Variants in GRHL2 observed in about 807,000 individuals in gnomAD.
GRHL2 encodes the protein grainyhead like transcription factor 2, also known as grainyhead-like protein 2 homolog.
Under a neutral mutation model 83.8 loss-of-function variants are expected in GRHL2, and 21 were observed. The ratio of observed to expected loss-of-function variants is 0.25; its 90% CI spans 0.18 to 0.36. The LOEUF (loss-of-function observed/expected upper bound fraction) is 0.36, where lower values mean the gene tolerates loss of function less well. Among genes scored for constraint, GRHL2 ranks in the 10% least tolerant of loss-of-function variants. GRHL2 has a pLI of 1.00. For synonymous variants in GRHL2, 280 were observed against 278.9 expected, an observed-to-expected ratio of 1.00 and a Z score of -0.04; for missense variants, 623 against 781.8, an observed-to-expected ratio of 0.80 and a Z score of 2.42.
At chr8:101,516,120 C>T (rs1011662078) in intron 1 of GRHL2, among the ~76,000 whole-genome samples, 1 of 152,140 alleles carries the variant, frequency 6.6e-6, no homozygotes, top group Non-Finnish European at 1.5e-5. Flanking sequence ...TTTTGATCTC[C>T]TGCTTCTCAG....
At chr8:101,551,490 A>G (rs549111194) in intron 2 of GRHL2, among the ~76,000 whole-genome samples, 1 of 152,214 alleles carries the variant, frequency 6.6e-6, no homozygotes, top group Non-Finnish European at 1.5e-5. Flanking sequence ...GTAAGTGGAA[A>G]TCACAGGAAT....
intron 7 of GRHL2, among the ~76,000 whole-genome samples, chr8:101,586,832 T>A (rs1355570572): frequency 6.6e-6 from 1 of 152,208 alleles, no homozygotes; most frequent in East Asian, 1.9e-4. Flanking sequence ...TGGACTCTCC[T>A]CTTTCATGCT....
chr8:101,560,629 C>T (rs574914673), intron 4 of GRHL2, among the ~76,000 whole-genome samples: 16 of 152,264 alleles, frequency 1.1e-4, no homozygotes, highest in South Asian at 4.2e-4. Context: ...CTACCAGCAA[C>T]GTATGAGGAT....
At chr8:101,534,801 A>G (rs925535655) in intron 1 of GRHL2, among the ~76,000 whole-genome samples, 2 of 152,206 alleles carry the variant, frequency 1.3e-5, no homozygotes, top group Admixed American at 6.5e-5. Context: ...AAGTATTGCA[A>G]CTAGAAGGGT....
At chr8:101,638,102 C>G (rs1348290465) in intron 12 of GRHL2, among the ~76,000 whole-genome samples, 1 of 152,170 alleles carries the variant, frequency 6.6e-6, no homozygotes, top group Non-Finnish European at 1.5e-5. Flanking sequence ...TCAATAGCTA[C>G]TTTATGTTCT....
chr8:101,543,710 C>G (rs887147198), intron 2 of GRHL2: 2 of 447,164 alleles, frequency 4.5e-6, no homozygotes, highest in African/African-American at 4.0e-5. Context: ...TTATTCTTAC[C>G]ATATTACAAA....
At chr8:101,671,070 C>T (rs765682518), downstream of GRHL2, among the ~76,000 whole-genome samples, 10 of 152,166 alleles carry the variant, frequency 6.6e-5, no homozygotes, top group South Asian at 4.1e-4. Context: ...GGAACAGCTC[C>T]GGTCTACAGC....
In GRHL2 at chr8:101,582,583, G is replaced by A. The variant is rs1006468050; in HGVS notation, c.1003+5064G>A. ...CTGACTGAGCCCAGGAAGGATTCTA[G>A]GGGTCCACAGACCCAGAAGGCTCTG... is the stretch of plus-strand genomic sequence containing the variant. On this transcript the variant is annotated intron_variant, in intron 7 of 15. Transcript: ENST00000646743. Among the ~76,000 whole-genome samples the A allele has an allele frequency of 5.9e-5, 9 of 152,200 alleles. 1 individual carries two copies. The highest frequency in any genetic ancestry group is 2.2e-4 in the African/African-American group (9 of 41,448).
chr8:101,619,742 G>C, intron 9 of GRHL2, 45 bp downstream of exon 9: 2 of 1,439,910 alleles, frequency 1.4e-6, no homozygotes, highest in Non-Finnish European at 2.0e-6. Context: ...TTTTTTATTA[G>C]ATATTACTTT....
chr8:101,550,131 AT>A (rs535693192), intron 2 of GRHL2, among the ~76,000 whole-genome samples: 2 of 147,234 alleles, frequency 1.4e-5, no homozygotes, highest in African/African-American at 2.5e-5. Context: ...ATTTATTTTT[AT>A]TTTTTTTAAT....
At chr8:101,535,824 G>A (rs1490735886) in intron 1 of GRHL2, among the ~76,000 whole-genome samples, 4 of 152,230 alleles carry the variant, frequency 2.6e-5, no homozygotes, top group Non-Finnish European at 5.9e-5. Flanking sequence ...ACAGGCATGA[G>A]CCAGTGCACC....
chr8:101,592,552 C>T (rs1812309530), intron 7 of GRHL2, among the ~76,000 whole-genome samples: 1 of 152,222 alleles, frequency 6.6e-6, no homozygotes, highest in African/African-American at 2.4e-5. Flanking sequence ...TCAGCTCTAC[C>T]TGAGACCTTG....
chr8:101,625,974 A>T (rs1231933613), intron 9 of GRHL2, among the ~76,000 whole-genome samples: 2 of 152,084 alleles, frequency 1.3e-5, no homozygotes, highest in African/African-American at 2.4e-5. Flanking sequence ...CAATTTCTTT[A>T]ACAAAGTAGA....
intron 12 of GRHL2, among the ~76,000 whole-genome samples, chr8:101,641,222 T>C (rs1813394102): frequency 6.6e-6 from 1 of 152,094 alleles, no homozygotes; most frequent in African/African-American, 2.4e-5. Context: ...CCCCAAAGAG[T>C]AATTCATTGA....
chr8:101,503,531 T>C (rs1810274874), intron 1 of GRHL2, among the ~76,000 whole-genome samples: 1 of 152,240 alleles, frequency 6.6e-6, no homozygotes, highest in African/African-American at 2.4e-5. Context: ...ATCATAAACT[T>C]TCTGGAAGGC....
chr8:101,502,020 A>T (rs1326719026), intron 1 of GRHL2, among the ~76,000 whole-genome samples: 1 of 84,488 alleles, frequency 1.2e-5, no homozygotes, highest in Non-Finnish European at 2.4e-5. Context: ...TTCTTCCCAC[A>T]CTCACCCCAA....
intron 9 of GRHL2, among the ~76,000 whole-genome samples, chr8:101,624,533 C>T: frequency 2.4e-5 from 1 of 41,544 alleles, no homozygotes; most frequent in African/African-American, 5.7e-5. Flanking sequence ...TAAGACAGTT[C>T]AGAGTACACA....
intron 11 of GRHL2, among the ~76,000 whole-genome samples, chr8:101,633,425 T>C (rs1226435257): frequency 6.6e-6 from 1 of 152,224 alleles, no homozygotes; most frequent in Non-Finnish European, 1.5e-5. Context: ...CTCAATGGAA[T>C]TGACCTTGGT....
chr8:101,673,704 G>A (rs1042581151), downstream of GRHL2, among the ~76,000 whole-genome samples: 3 of 151,844 alleles, frequency 2.0e-5, no homozygotes, highest in South Asian at 2.1e-4. Context: ...GCACCAAGAG[G>A]ACCTAATAGA....
Sources: allele counts gnomAD v4.1 joint callset (sites outside exome capture counted in the v4.1 genomes callset), GRCh38; gene constraint gnomAD v4.1.1; transcripts MANE v1.5; gene names NCBI Gene and HGNC (gene_info 2026-07-23, HGNC 2026-07-21).